Variants in VTI1A observed in about 807,000 individuals in gnomAD.
VTI1A encodes the protein vesicle transport through interaction with t-SNAREs 1A.
In VTI1A, 22 loss-of-function variants were observed where a neutral mutation model predicts 34.9. That is an observed-to-expected ratio of 0.63 (90% CI 0.45 to 0.90). VTI1A has a LOEUF of 0.90. VTI1A is among the 40% of genes least tolerant of loss of function. The pLI is 0.00. For synonymous variants in VTI1A, 87 were observed against 97.3 expected (o/e 0.89, Z 0.62); for missense variants, 268 against 275.6 (o/e 0.97, Z 0.20).
intron 7 of VTI1A, among the ~76,000 whole-genome samples, chr10:112,714,121 C>T (rs1490659353): frequency 3.3e-5 from 5 of 152,142 alleles, no homozygotes; most frequent in Non-Finnish European, 7.3e-5. Context: ...AAAGACACTA[C>T]TGCTACTGAG....
chr10:112,535,212 T>C lies in VTI1A; in HGVS notation c.343-3034T>C, dbSNP rs142074656. On this transcript the variant is annotated intron_variant, in intron 4 of 7. Transcript: ENST00000393077. ...CTGTAACATGTAATTGAATTATAAT[T>C]GGAAAAATTAGATTAATCAACTAAC... Among the ~76,000 whole-genome samples the C allele has an allele frequency of 1.2e-3, 184 of 152,318 alleles. 1 individual carries two copies. The highest frequency in any genetic ancestry group is 3.9e-3 in the African/African-American group (163 of 41,572).
At chr10:112,552,997 G>C (rs919927025) in intron 5 of VTI1A, among the ~76,000 whole-genome samples, 1 of 152,174 alleles carries the variant, frequency 6.6e-6, no homozygotes, top group Non-Finnish European at 1.5e-5. Context: ...TTTGTATAAG[G>C]TTGTCTTGAT....
At chr10:112,609,132 C>T (rs147816437) in intron 5 of VTI1A, among the ~76,000 whole-genome samples, 4 of 152,142 alleles carry the variant, frequency 2.6e-5, no homozygotes, top group African/African-American at 9.6e-5. Context: ...TATATCAGTA[C>T]GTTTTAAGAA....
intron 5 of VTI1A, among the ~76,000 whole-genome samples, chr10:112,556,982 A>C (rs1219484776): frequency 6.6e-6 from 1 of 152,038 alleles, no homozygotes; most frequent in Non-Finnish European, 1.5e-5. Flanking sequence ...ACTGGCTTTG[A>C]ATTTTTTATT....
intron 5 of VTI1A, among the ~76,000 whole-genome samples, chr10:112,641,622 T>C (rs1439593667): frequency 6.6e-6 from 1 of 152,182 alleles, no homozygotes; most frequent in African/African-American, 2.4e-5. Context: ...GCCCCACTCG[T>C]AGAAGGTCAC....
chr10:112,495,632 G>C (rs1848993364), intron 3 of VTI1A, among the ~76,000 whole-genome samples: 1 of 152,166 alleles, frequency 6.6e-6, no homozygotes, highest in Non-Finnish European at 1.5e-5. Flanking sequence ...GTTCAGAAGA[G>C]AGTTAAATAT....
chr10:112,620,476 C>T (rs1278473135), intron 5 of VTI1A, among the ~76,000 whole-genome samples: 1 of 151,980 alleles, frequency 6.6e-6, no homozygotes. Context: ...GGACTTGTGG[C>T]GGGGGCCAGT....
intron 7 of VTI1A, among the ~76,000 whole-genome samples, chr10:112,675,451 C>T (rs1031229228): frequency 4.6e-5 from 7 of 152,130 alleles, no homozygotes; most frequent in African/African-American, 1.7e-4. Context: ...TTCCTGAAAG[C>T]AATGAACAAA....
intron 5 of VTI1A, among the ~76,000 whole-genome samples, chr10:112,623,394 C>T (rs976232091): frequency 2.6e-5 from 4 of 151,256 alleles, no homozygotes; most frequent in Non-Finnish European, 4.4e-5. Context: ...TGTATATATA[C>T]GTAGATATAT....
At chr10:112,560,036 C>G (rs1391326863) in intron 5 of VTI1A, among the ~76,000 whole-genome samples, 5 of 152,142 alleles carry the variant, frequency 3.3e-5, no homozygotes, top group Admixed American at 6.5e-5. Flanking sequence ...ACTTGTAGTT[C>G]TAACTGACCC....
chr10:112,823,184 G>A (rs1467440283), downstream of VTI1A, among the ~76,000 whole-genome samples: 1 of 152,222 alleles, frequency 6.6e-6, no homozygotes, highest in African/African-American at 2.4e-5. Flanking sequence ...CGCTGAGGCT[G>A]AGTAGGGCTG....
At chr10:112,622,120 A>G (rs1252415104) in intron 5 of VTI1A, among the ~76,000 whole-genome samples, 1 of 152,156 alleles carries the variant, frequency 6.6e-6, no homozygotes, top group Admixed American at 6.5e-5. Flanking sequence ...TAGGCAGGTA[A>G]TCCTCTGATA....
chr10:112,484,068 C>T (rs1848538155), intron 3 of VTI1A, among the ~76,000 whole-genome samples: 1 of 152,184 alleles, frequency 6.6e-6, no homozygotes, highest in Non-Finnish European at 1.5e-5. Context: ...TGGTTCATAA[C>T]CAACCTACAC....
In VTI1A at chr10:112,595,569, T is replaced by C. The variant is rs558805710; in HGVS notation, c.427+57239T>C. On this transcript the variant is annotated intron_variant, in intron 5 of 7. Transcript: ENST00000393077. ...AAAAGACACATGAAAAAATGCTCAT[T>C]ATCACTGGCCATCAGAGAAATGCAA... 2.0e-3 allele frequency among the ~76,000 whole-genome samples: 310 copies of C among 152,202 alleles called. 1 individual carries two copies. Among genetic ancestry groups the C allele is most frequent in the African/African-American group, 6.7e-3 (280 of 41,492 alleles).
chr10:112,813,574 G>C (rs1853396534), intron 7 of VTI1A, among the ~76,000 whole-genome samples: 1 of 152,102 alleles, frequency 6.6e-6, no homozygotes, highest in South Asian at 2.1e-4. Flanking sequence ...GAGAAAAGGG[G>C]GAAAAAATCA....
At chr10:112,823,147 C>T (rs758409224), downstream of VTI1A, among the ~76,000 whole-genome samples, 1 of 152,184 alleles carries the variant, frequency 6.6e-6, no homozygotes, top group Admixed American at 6.5e-5. Context: ...CCTTGCAATC[C>T]CCATGACTGC....
the VTI1A span, among the ~76,000 whole-genome samples, chr10:112,849,143 T>C: frequency 2.0e-5 from 3 of 152,192 alleles, no homozygotes; most frequent in East Asian, 5.8e-4. Flanking sequence ...ACAAAAGTTA[T>C]CAACACTATG....
chr10:112,830,350 C>G, the VTI1A span, among the ~76,000 whole-genome samples: 1 of 151,344 alleles, frequency 6.6e-6, no homozygotes, highest in African/African-American at 2.4e-5. Context: ...ACTCCTTTCT[C>G]CCTCCAACAC....
At chr10:112,546,718 T>C (rs1013854514) in intron 5 of VTI1A, among the ~76,000 whole-genome samples, 15 of 152,266 alleles carry the variant, frequency 9.9e-5, no homozygotes, top group African/African-American at 3.6e-4. Context: ...TTCCTGCATA[T>C]CTTGTTTCAT....
Sources: allele counts gnomAD v4.1 joint callset (sites outside exome capture counted in the v4.1 genomes callset), GRCh38; gene constraint gnomAD v4.1.1; transcripts MANE v1.5; gene names NCBI Gene and HGNC (gene_info 2026-07-23, HGNC 2026-07-21).